Variants in LDLRAD4 observed in about 807,000 individuals in gnomAD.
The protein encoded by LDLRAD4 is low density lipoprotein receptor class A domain containing 4, also known as low-density lipoprotein receptor class A domain-containing protein 4.
A neutral mutation model predicts 17.0 loss-of-function variants in LDLRAD4; 5 were observed. That is an observed-to-expected ratio of 0.29 (90% CI 0.15 to 0.62). The LOEUF is 0.62. Ranked by LOEUF, LDLRAD4 falls within the 20% of genes least tolerant of loss-of-function variation. The pLI, the probability that LDLRAD4 is intolerant of heterozygous loss-of-function variation, is 0.84. For synonymous variants in LDLRAD4, 168 were observed against 171.8 expected (o/e 0.98, Z 0.17); for missense variants, 340 against 424.7 (o/e 0.80, Z 1.75).
At chr18:13,263,684 C>T (rs982277247) in intron 1 of LDLRAD4, among the ~76,000 whole-genome samples, 1 of 152,194 alleles carries the variant, frequency 6.6e-6, no homozygotes, top group African/African-American at 2.4e-5. Flanking sequence ...AATCGTATTA[C>T]CCACCTCATG....
chr18:13,612,221 C>G (rs1255338557), intron 3 of LDLRAD4: 1 of 989,474 alleles, frequency 1.0e-6, no homozygotes. Context: ...CAAGATGAGC[C>G]GTCTAGCTGC....
chr18:13,284,251 A>G (rs776766808), intron 1 of LDLRAD4, among the ~76,000 whole-genome samples: 17 of 152,126 alleles, frequency 1.1e-4, no homozygotes, highest in Non-Finnish European at 1.5e-4. Flanking sequence ...CCACTTTCAG[A>G]GGTGGGAAAG....
intron 1 of LDLRAD4, among the ~76,000 whole-genome samples, chr18:13,332,692 T>C (rs7231366): frequency 0.42 from 62,972 of 151,494 alleles, 13,699 homozygotes; most frequent in African/African-American, 0.55. Context: ...TTTAGTAATA[T>C]GCGTTTCATG....
At chr18:13,612,720 C>T (rs1418227806) in intron 3 of LDLRAD4, 1 of 1,613,794 alleles carries the variant, frequency 6.2e-7, no homozygotes, top group East Asian at 2.2e-5. Context: ...CAGTGACCAC[C>T]TGAACAACAG....
At chr18:13,525,286 G>A (rs1182884288) in intron 3 of LDLRAD4, among the ~76,000 whole-genome samples, 2 of 152,192 alleles carry the variant, frequency 1.3e-5, no homozygotes, top group Non-Finnish European at 2.9e-5. Flanking sequence ...TAAGCTCTCT[G>A]TTTTTCTGGG....
At chr18:13,642,456 GC>G in intron 4 of LDLRAD4, 1 of 1,191,342 alleles carries the variant, frequency 8.4e-7, no homozygotes, top group Non-Finnish European at 1.0e-6. Flanking sequence ...CCTGTGGCTG[GC>G]CTGTCACCTT....
At chr18:13,295,935 C>T (rs770855650) in intron 1 of LDLRAD4, among the ~76,000 whole-genome samples, 7 of 152,196 alleles carry the variant, frequency 4.6e-5, no homozygotes, top group Admixed American at 2.0e-4. Flanking sequence ...CCCAAGTACC[C>T]TGGAAGATCA....
At position 13,475,557 on chromosome 18, in the gene LDLRAD4, G is replaced by T. The variant is rs1003268210; in HGVS notation, c.181+37173G>T. 3.2e-4 allele frequency among the ~76,000 whole-genome samples: 49 copies of T among 151,684 alleles called. 1 individual carries two copies. The highest frequency in any genetic ancestry group is 5.6e-4 in the Non-Finnish European group (38 of 67,996). ...ATGAGCCACTGGGCCCTGCCTGGCT[G>T]TTCTGTTTTGTATCAATTAATGCAG... On this transcript the variant is annotated intron_variant, in intron 3 of 5. Transcript: ENST00000359446.
In LDLRAD4 at chr18:13,481,002, TC is replaced by T. The variant is rs376702362; in HGVS notation, c.181+42620del. Among the ~76,000 whole-genome samples the T allele has an allele frequency of 5.5e-3, 840 of 152,312 alleles. 7 individuals carry two copies. The highest frequency in any genetic ancestry group is 0.022 in the South Asian group (105 of 4,818). On this transcript the variant is annotated intron_variant, in intron 3 of 5. Coordinates refer to ENST00000359446, the Ensembl canonical transcript of LDLRAD4. ...CAGCATTCTGGCCTGATCGTTGTCT[TC>T]CTGGGAACTCTGGTGTGGGAGCTGT...
chr18:13,449,953 T>C (rs550792043), intron 3 of LDLRAD4, among the ~76,000 whole-genome samples: 1 of 152,302 alleles, frequency 6.6e-6, no homozygotes, highest in South Asian at 2.1e-4. Flanking sequence ...GGACCTTCCA[T>C]CACGGGATGT....
intron 3 of LDLRAD4, among the ~76,000 whole-genome samples, chr18:13,502,200 C>T (rs954305640): frequency 1.3e-5 from 2 of 152,224 alleles, no homozygotes; most frequent in Admixed American, 6.5e-5. Flanking sequence ...CTTAAAGTTA[C>T]GTGTCCTGTC....
At chr18:13,348,750 C>G (rs2082856417) in intron 1 of LDLRAD4, among the ~76,000 whole-genome samples, 1 of 152,178 alleles carries the variant, frequency 6.6e-6, no homozygotes, top group South Asian at 2.1e-4. Flanking sequence ...GCTTTGTTTA[C>G]CTACTCAAGC....
At chr18:13,452,366 AG>A (rs1213122729) in intron 3 of LDLRAD4, among the ~76,000 whole-genome samples, 7 of 151,860 alleles carry the variant, frequency 4.6e-5, no homozygotes. Flanking sequence ...GGTGCCGTGG[AG>A]GGGGGCGAGG....
At chr18:13,454,539 G>A (rs2092017310) in intron 3 of LDLRAD4, among the ~76,000 whole-genome samples, 1 of 152,162 alleles carries the variant, frequency 6.6e-6, no homozygotes, top group South Asian at 2.1e-4. Flanking sequence ...TTACTTTGGG[G>A]AAATCCATCG....
chr18:13,642,889 C>T (rs1261963021), intron 4 of LDLRAD4: 3 of 466,380 alleles, frequency 6.4e-6, no homozygotes, highest in Non-Finnish European at 6.9e-6. Context: ...TCTCGCTCCA[C>T]GTTTTTTGTT....
chr18:13,643,386 G>A lies in LDLRAD4; in HGVS notation c.364G>A (p.Ala122Thr), dbSNP rs774763390. The A allele has an allele frequency of 1.3e-5, 17 of 1,262,138 alleles. No individual in the cohort carries two copies. The highest frequency in any genetic ancestry group is 1.9e-5 in the South Asian group (1 of 51,600). 78.2% of individuals were successfully genotyped at this position (1,262,138 alleles called of 1,614,324 possible). A position where few individuals can be genotyped will look rare whatever the true frequency, so the allele number is the denominator to read the frequency against. ...AGGGTGCCTGTGGCCTTCAGACAGC[G>A]CCGCACCGCGGCTGGGCGCCTCGGA... is the stretch of plus-strand genomic sequence containing the variant. The change falls in exon 5 of 6, where the codon GCC (alanine) becomes ACC (threonine). Residue 122 changes from alanine to threonine, a missense_variant. Physicochemically the swap from Ala to Thr is moderately conservative, Grantham distance 58. Transcript: ENST00000359446.
At chr18:13,253,444 G>A (rs914513775) in intron 1 of LDLRAD4, among the ~76,000 whole-genome samples, 5 of 152,130 alleles carry the variant, frequency 3.3e-5, no homozygotes, top group African/African-American at 9.7e-5. Flanking sequence ...CCACACCTCC[G>A]CTTGAAGGAA....
chr18:13,574,641 T>C (rs1270599132), intron 3 of LDLRAD4, among the ~76,000 whole-genome samples: 1 of 152,194 alleles, frequency 6.6e-6, no homozygotes, highest in African/African-American at 2.4e-5. Context: ...AGCCCTGGCA[T>C]TGAGTGTGAG....
At chr18:13,620,460 G>C (rs1033019242) in intron 3 of LDLRAD4, among the ~76,000 whole-genome samples, 1 of 152,182 alleles carries the variant, frequency 6.6e-6, no homozygotes, top group Non-Finnish European at 1.5e-5. Context: ...GCTCCAGGCC[G>C]CCCGTGAGCC....
Sources: allele counts gnomAD v4.1 joint callset (sites outside exome capture counted in the v4.1 genomes callset), GRCh38; gene constraint gnomAD v4.1.1; transcripts MANE v1.5; gene names NCBI Gene and HGNC (gene_info 2026-07-23, HGNC 2026-07-21).